The following CLSTN3 variants were observed in gnomAD, a reference collection of about 807,000 sequenced individuals.
The protein encoded by CLSTN3 is calsyntenin 3, also known as calsyntenin-3.
In CLSTN3, 36 loss-of-function variants were observed where a neutral mutation model predicts 95.9. The ratio of observed to expected loss-of-function variants is 0.38; its 90% CI spans 0.29 to 0.50. CLSTN3 has a LOEUF of 0.50. Among genes scored for constraint, CLSTN3 ranks in the 20% least tolerant of loss-of-function variants. CLSTN3 has a pLI of 0.95. For synonymous variants in CLSTN3, 481 were observed against 504.0 expected, an observed-to-expected ratio of 0.95 and a Z score of 0.61; for missense variants, 1,084 against 1,268.8, an observed-to-expected ratio of 0.85 and a Z score of 2.21.
chr12:7,147,396 CAAAAAAAAAA>C (rs56109046), intron 12 of CLSTN3, among the ~76,000 whole-genome samples: 2 of 50,522 alleles, frequency 4.0e-5, no homozygotes, highest in South Asian at 1.5e-3. Flanking sequence ...GAGACTCTGC[CAAAAAAAAAA>C]AAAAAAAAAA....
In CLSTN3 at chr12:7,157,705, G is replaced by A. The variant is rs1320116917; in HGVS notation, c.2730+14G>A. On this transcript the variant is annotated intron_variant, in intron 17 of 17. Coordinates refer to ENST00000266546, the MANE Select transcript of CLSTN3 (RefSeq NM_014718.4). The surrounding 1 kb of genome is among the most constrained non-coding windows in gnomAD (Gnocchi z 5.9). ...AACCCCATGGAGGTGAGAGGCCTGG[G>A]GAAGCGGGGTTCTGTAGGGTCAAGA... 1.3e-6 allele frequency: 2 copies of A among 1,560,574 alleles called. No individual in the cohort carries two copies. The highest frequency in any genetic ancestry group is 1.7e-6 in the Non-Finnish European group (2 of 1,151,534).
intron 3 of CLSTN3, 93 bp from the exon 4 acceptor site, chr12:7,135,234 T>A: frequency 8.3e-7 from 1 of 1,200,396 alleles, no homozygotes; most frequent in Non-Finnish European, 1.2e-6. Context: ...ATCGAGGCTG[T>A]ACCTCGGTGT....
chr12:7,144,327 G>C (rs1220949525), intron 12 of CLSTN3, among the ~76,000 whole-genome samples: 3 of 151,762 alleles, frequency 2.0e-5, no homozygotes, highest in Non-Finnish European at 4.4e-5. Flanking sequence ...ATTATTTCAA[G>C]GTTTGAGTAT....
At position 7,157,895 on chromosome 12, in the gene CLSTN3, G is replaced by C. The variant is rs1196981254; in HGVS notation, c.2731-46G>C. On this transcript the variant is annotated intron_variant, in intron 17 of 17. Transcript: ENST00000266546. The surrounding 1 kb of genome is among the most constrained non-coding windows in gnomAD (Gnocchi z 5.9). ...TGGTCCCTGAAAGAGAGGCTGGGAT[G>C]TGTGCAGGCCATTGATCCCTTCTCC... is the stretch of plus-strand genomic sequence containing the variant. The C allele has an allele frequency of 1.3e-6, 2 of 1,545,770 alleles. No homozygotes were observed. Among genetic ancestry groups the C allele is most frequent in the Non-Finnish European group, 1.7e-6 (2 of 1,146,452 alleles).
At chr12:7,131,445 G>T in intron 1 of CLSTN3, 1 of 248,326 alleles carries the variant, frequency 4.0e-6, no homozygotes. Context: ...AGCTGAGAAG[G>T]AGAAGACCGG....
rs770765851 is a variant in CLSTN3, at chr12:7,157,425, C to A, written c.2528-64C>A. ...GGGCTGCCTCTTTTCCTACCCAGCCCCCTGTCCAAGTGCCCCCAGGTGTGC... is the reference window on the plus strand; with the variant it reads ...GGGCTGCCTCTTTTCCTACCCAGCCACCTGTCCAAGTGCCCCCAGGTGTGC... On this transcript the variant is annotated intron_variant, in intron 16 of 17. Transcript: ENST00000266546. The surrounding 1 kb of genome is among the most constrained non-coding windows in gnomAD (Gnocchi z 5.9). 1.4e-6 allele frequency: 2 copies of A among 1,430,394 alleles called. No homozygotes were observed. The highest frequency in any genetic ancestry group is 1.4e-5 in the African/African-American group (1 of 69,858). 88.6% of individuals were successfully genotyped at this position (1,430,394 alleles called of 1,614,324 possible).
chr12:7,148,299 C>A (rs889704017), intron 12 of CLSTN3, among the ~76,000 whole-genome samples: 2 of 152,168 alleles, frequency 1.3e-5, no homozygotes, highest in Non-Finnish European at 2.9e-5. Flanking sequence ...TAAATGTGAT[C>A]CTGGGAGCAT....
Position 7,135,323 on chromosome 12 carries a change from G to A in CLSTN3, c.384-4G>A, listed in dbSNP as rs117963905. The A allele has an allele frequency of 1.9e-6, 3 of 1,613,942 alleles. No individual in the cohort carries two copies. Among genetic ancestry groups the A allele is most frequent in the South Asian group, 2.2e-5 (2 of 91,062 alleles). ...TCATCCCTCCTTCTCTCTGGCATATGCAGGGCCACTGTGCATGTGCGGGTC... is the reference window on the plus strand; with the variant it reads ...TCATCCCTCCTTCTCTCTGGCATATACAGGGCCACTGTGCATGTGCGGGTC... On this transcript the variant is annotated splice_polypyrimidine_tract_variant and splice_region_variant and intron_variant, in intron 3 of 17. Transcript: ENST00000266546.
chr12:7,130,442 T>C lies in CLSTN3; in HGVS notation c.-207T>C. 1 of 1,461,174 alleles carries C rather than the reference T, an allele frequency of 6.8e-7. No individual in the cohort carries two copies. The highest frequency in any genetic ancestry group is 9.0e-7 in the Non-Finnish European group (1 of 1,108,306). The allele number at this position is 1,461,174 out of a possible 1,614,324, so 90.5% of individuals were successfully genotyped here. A position where few individuals can be genotyped will look rare whatever the true frequency, so the allele number is the denominator to read the frequency against. On this transcript the variant is annotated 5_prime_UTR_variant, in exon 1 of 18. Transcript: ENST00000266546. ...TGGGCTGGGGGAAACGGGAAGCCGC[T>C]GCAAGTCCACCGCCTCAGCTACCCA...
Position 7,157,500 on chromosome 12 carries a change from G to A in CLSTN3, c.2539G>A (p.Ala847Thr), listed in dbSNP as rs754978075. 4.0e-5 allele frequency: 63 copies of A among 1,581,880 alleles called. No homozygotes were observed. The highest frequency in any genetic ancestry group is 4.7e-5 in the Non-Finnish European group (55 of 1,162,664). Reference protein sequence around the residue: ...SSHRNSMIPSAATLIIVVCVG... With the variant: ...SSHRNSMIPSTATLIIVVCVG... ...CGCTCTCTCTGCAGTGATACCCAGC[G>A]CCGCAACCCTCATCATTGTGGTGTG... Residue 847 changes from alanine (A) to threonine (T), a missense_variant, in exon 17 of 18, where the codon GCC becomes ACC. By Grantham distance (58) the Ala-to-Thr change is moderately conservative. Coordinates refer to ENST00000266546, the MANE Select transcript of CLSTN3 (RefSeq NM_014718.4). The surrounding 1 kb of genome is among the most constrained non-coding windows in gnomAD (Gnocchi z 5.9).
intron 12 of CLSTN3, among the ~76,000 whole-genome samples, chr12:7,144,621 G>A (rs1420368498): frequency 6.6e-6 from 1 of 152,150 alleles, no homozygotes; most frequent in Non-Finnish European, 1.5e-5. Flanking sequence ...GCCATCTAGT[G>A]GGTGAATTAC....
At chr12:7,156,453 C>T (rs1207431371) in intron 16 of CLSTN3, 1 of 456,926 alleles carries the variant, frequency 2.2e-6, no homozygotes, top group Admixed American at 2.3e-5. Flanking sequence ...GCCTGGTCTG[C>T]CCAGCTGGTG....
rs777236671 is a variant in CLSTN3 at position 7,135,399 on chromosome 12, G to A, written c.456G>A (p.Ala152=). The A allele has an allele frequency of 3.1e-6, 5 of 1,614,142 alleles. No homozygotes were observed. The highest frequency in any genetic ancestry group is 2.2e-5 in the South Asian group (2 of 91,082). Residue 152 remains alanine (A), a synonymous_variant, in exon 4 of 18, where the codon GCG becomes GCA. Transcript: ENST00000266546. ...TGTTTGTGGAACGGCTGTATCGTGCGGCTGTGACAGAGGGGAAGCTGTACG... is the reference window on the plus strand; with the variant it reads ...TGTTTGTGGAACGGCTGTATCGTGCAGCTGTGACAGAGGGGAAGCTGTACG... ...APVFVERLYR[A]AVTEGKLYDR... is the part of the protein sequence containing the mutation.
Position 7,150,442 on chromosome 12 carries a change from C to T in CLSTN3, c.2246-102C>T. 1 of 1,416,440 alleles carries T rather than the reference C, an allele frequency of 7.1e-7. No homozygotes were observed. The highest frequency in any genetic ancestry group is 1.4e-5 in the African/African-American group (1 of 70,948). 87.7% of individuals were successfully genotyped at this position (1,416,440 alleles called of 1,614,324 possible). On this transcript the variant is annotated intron_variant, in intron 14 of 17. Coordinates refer to ENST00000266546, the MANE Select transcript of CLSTN3 (RefSeq NM_014718.4). The surrounding 1 kb of genome is among the most constrained non-coding windows in gnomAD (Gnocchi z 4.0). ...TCTGCGGAGATGGGGCTGACCTGCT[C>T]TACAGCTTGTGTGGCGTCAGCTGGT...
rs1591620359 is a variant in CLSTN3, at chr12:7,149,438, G to A, written c.2075-85G>A. ...CTCTCCCTGGCCCTGGAAAGGGAGGGAGAGTGGTGATGAGGGCATGGTTGG... is the reference window on the plus strand; with the variant it reads ...CTCTCCCTGGCCCTGGAAAGGGAGGAAGAGTGGTGATGAGGGCATGGTTGG... On this transcript the variant is annotated intron_variant, in intron 13 of 17. Transcript: ENST00000266546. This position sits in a 1 kb window ranked among gnomAD's most constrained non-coding sequence, Gnocchi z 4.5. 7.8e-7 allele frequency: 1 copy of A among 1,290,110 alleles called. No homozygotes were observed. Among genetic ancestry groups the A allele is most frequent in the East Asian group, 2.3e-5 (1 of 42,980 alleles). The allele number at this position is 1,290,110 out of a possible 1,614,324, so 79.9% of individuals were successfully genotyped here.
chr12:7,136,535 C>T, intron 6 of CLSTN3, 144 bp downstream of exon 6: 2 of 893,662 alleles, frequency 2.2e-6, no homozygotes, highest in Non-Finnish European at 3.3e-6. Flanking sequence ...GCATTTGCGG[C>T]CCAAAAGGCA....
chr12:7,146,122 C>T (rs891295273), intron 12 of CLSTN3, among the ~76,000 whole-genome samples: 2 of 152,170 alleles, frequency 1.3e-5, no homozygotes, highest in Admixed American at 6.5e-5. Flanking sequence ...AAAAAGACGT[C>T]GGTGGCTTCC....
chr12:7,135,239 C>T (rs762898070), intron 3 of CLSTN3, 88 bp from the exon 4 acceptor site: 97 of 1,264,926 alleles, frequency 7.7e-5, no homozygotes, highest in Non-Finnish European at 9.8e-5. Flanking sequence ...GGCTGTACCT[C>T]GGTGTGCTGT....
intron 16 of CLSTN3, among the ~76,000 whole-genome samples, chr12:7,155,498 C>T (rs1939799441): frequency 6.6e-6 from 1 of 152,258 alleles, no homozygotes; most frequent in Non-Finnish European, 1.5e-5. Flanking sequence ...GCTTTGGCCT[C>T]CACTCTGAGG....
Sources: allele counts gnomAD v4.1 joint callset (sites outside exome capture counted in the v4.1 genomes callset), GRCh38; gene constraint gnomAD v4.1.1; non-coding constraint Gnocchi (gnomAD v3.1); transcripts MANE v1.5; gene names NCBI Gene and HGNC (gene_info 2026-07-23, HGNC 2026-07-21).